Variants in LPP observed in about 807,000 individuals in gnomAD.
LPP encodes lipoma-preferred partner.
A neutral mutation model predicts 60.4 loss-of-function variants in LPP; 38 were observed. The ratio of observed to expected loss-of-function variants is 0.63; its 90% CI spans 0.49 to 0.83. LPP has a LOEUF of 0.83. Among genes scored for constraint, LPP ranks in the 40% least tolerant of loss-of-function variants. The pLI is 0.00. For synonymous variants in LPP, 328 were observed against 290.8 expected, an observed-to-expected ratio of 1.13 and a Z score of -1.30; for missense variants, 902 against 783.6, an observed-to-expected ratio of 1.15 and a Z score of -1.80.
rs1731188652 is a variant in LPP at position 188,201,890 on chromosome 3, T to C, written c.-189-23515T>C. On this transcript the variant is annotated intron_variant, in intron 1 of 11. Transcript: ENST00000617246. ...TCTCATTCCTGTTGAAGACTACGAGTGTGCTTGATGATGTGTAGGACGTGG... is the reference window on the plus strand; with the variant it reads ...TCTCATTCCTGTTGAAGACTACGAGCGTGCTTGATGATGTGTAGGACGTGG... Among the ~76,000 whole-genome samples the C allele has an allele frequency of 4.0e-5, 6 of 151,808 alleles. No homozygotes were observed. In the South Asian group the frequency reaches 1.3e-3, roughly 32 times the overall value.
chr3:188,233,651 G>T (rs533956479), intron 2 of LPP, among the ~76,000 whole-genome samples: 1 of 152,270 alleles, frequency 6.6e-6, no homozygotes, highest in South Asian at 2.1e-4. Flanking sequence ...CATAATGAAA[G>T]TATTCCTGTA....
intron 2 of LPP, among the ~76,000 whole-genome samples, chr3:188,249,829 T>TACACACACACACAC (rs61215623): frequency 7.2e-5 from 8 of 111,202 alleles, no homozygotes; most frequent in South Asian, 3.3e-4. Context: ...TTTCTCTGTC[T>TACACACACACACAC]ACACACACAC....
At chr3:188,614,813 G>A (rs902515236) in intron 7 of LPP, among the ~76,000 whole-genome samples, 1 of 152,166 alleles carries the variant, frequency 6.6e-6, no homozygotes, top group African/African-American at 2.4e-5. Flanking sequence ...AGAGATTAAA[G>A]TGGGCTTAGG....
chr3:188,549,602 A>G (rs1278158572), intron 6 of LPP, among the ~76,000 whole-genome samples: 2 of 152,152 alleles, frequency 1.3e-5, no homozygotes, highest in Non-Finnish European at 2.9e-5. Context: ...AGGCTGTAGC[A>G]TTGTGCTTTA....
intron 4 of LPP, among the ~76,000 whole-genome samples, chr3:188,474,010 C>T (rs1400148317): frequency 6.6e-6 from 1 of 152,180 alleles, no homozygotes; most frequent in Non-Finnish European, 1.5e-5. Flanking sequence ...TATTAACTGT[C>T]TAGCTGTTGG....
At chr3:188,511,218 T>TCCTTCCTC (rs1428252017) in intron 5 of LPP, among the ~76,000 whole-genome samples, 1 of 99,748 alleles carries the variant, frequency 1.0e-5, no homozygotes, top group African/African-American at 3.9e-5. Context: ...CTTCCTCCCT[T>TCCTTCCTC]CCTTCCTCCC....
At chr3:188,570,605 A>G (rs1330737322) in intron 6 of LPP, among the ~76,000 whole-genome samples, 1 of 152,030 alleles carries the variant, frequency 6.6e-6, no homozygotes, top group Non-Finnish European at 1.5e-5. Context: ...TAGCACATAT[A>G]TCTGAAATGG....
At chr3:188,462,572 A>G in intron 4 of LPP, among the ~76,000 whole-genome samples, 1 of 54,146 alleles carries the variant, frequency 1.8e-5, no homozygotes, top group African/African-American at 6.7e-5. Flanking sequence ...ATATATATAT[A>G]TATATATATA....
At chr3:188,462,580 ATATATGCATGTGTGTG>A (rs1799314075) in intron 4 of LPP, among the ~76,000 whole-genome samples, 2 of 52,404 alleles carry the variant, frequency 3.8e-5, no homozygotes, top group Non-Finnish European at 7.4e-5. Context: ...ATATATATAT[ATATATGCATGTGTGTG>A]TGTGTGTGTG....
intron 8 of LPP, among the ~76,000 whole-genome samples, chr3:188,752,657 A>T (rs1285742548): frequency 6.6e-6 from 1 of 152,162 alleles, no homozygotes; most frequent in East Asian, 1.9e-4. Context: ...GGAATAGGGT[A>T]TATGTTGCCC....
chr3:188,774,817 G>A (rs1737202707), intron 9 of LPP, among the ~76,000 whole-genome samples: 1 of 152,034 alleles, frequency 6.6e-6, no homozygotes, highest in Non-Finnish European at 1.5e-5. Context: ...ACCATCATGA[G>A]GGCTCCATCC....
intron 2 of LPP, among the ~76,000 whole-genome samples, chr3:188,324,241 T>C (rs7631930): frequency 0.28 from 42,129 of 152,036 alleles, 6,732 homozygotes; most frequent in East Asian, 0.65. Context: ...TTTATTTCCA[T>C]TCCTAGATTA....
At chr3:188,524,971 C>CTTT (rs540192956) in intron 6 of LPP, among the ~76,000 whole-genome samples, 184 bp downstream of exon 6, 1,505 of 119,310 alleles carry the variant, frequency 0.013, 71 homozygotes, top group South Asian at 0.037. Flanking sequence ...CTTTCTTTCT[C>CTTT]TTTTTTTTTT....
At chr3:188,455,629 C>T (rs529761635) in intron 4 of LPP, among the ~76,000 whole-genome samples, 3 of 152,198 alleles carry the variant, frequency 2.0e-5, no homozygotes, top group Admixed American at 1.3e-4. Context: ...AAAATGAACT[C>T]TATCATAATA....
At chr3:188,594,792 CT>C (rs1405108187) in intron 6 of LPP, among the ~76,000 whole-genome samples, 2 of 151,932 alleles carry the variant, frequency 1.3e-5, no homozygotes, top group Non-Finnish European at 2.9e-5. Context: ...AATATACATG[CT>C]CATTTTATAA....
chr3:188,263,592 A>T (rs577595106), intron 2 of LPP, among the ~76,000 whole-genome samples: 3 of 152,194 alleles, frequency 2.0e-5, no homozygotes, highest in African/African-American at 7.2e-5. Flanking sequence ...AGGTTGCTGC[A>T]CCTCCCTGCT....
intron 7 of LPP, among the ~76,000 whole-genome samples, chr3:188,699,224 A>G (rs1384160571): frequency 6.6e-6 from 1 of 152,212 alleles, no homozygotes; most frequent in Non-Finnish European, 1.5e-5. Flanking sequence ...AAGCCCAGGC[A>G]CTATTATAGC....
chr3:188,256,674 T>C (rs1225023369), intron 2 of LPP, among the ~76,000 whole-genome samples: 1 of 152,186 alleles, frequency 6.6e-6, no homozygotes, highest in Non-Finnish European at 1.5e-5. Flanking sequence ...CAATGATAAA[T>C]GATTTTTAAC....
chr3:188,745,750 A>C (rs1019266350), intron 8 of LPP, among the ~76,000 whole-genome samples: 2 of 152,156 alleles, frequency 1.3e-5, no homozygotes, highest in African/African-American at 4.8e-5. Context: ...GCTCCAGGCA[A>C]TCACCACTCC....
Sources: allele counts gnomAD v4.1 joint callset (sites outside exome capture counted in the v4.1 genomes callset), GRCh38; gene constraint gnomAD v4.1.1; transcripts MANE v1.5; gene names NCBI Gene and HGNC (gene_info 2026-07-23, HGNC 2026-07-21).